Variants in UGT1A8 observed in about 807,000 individuals in gnomAD.
UGT1A8 encodes the protein UDP-glucuronosyltransferase 1A8.
A neutral mutation model predicts 45.3 loss-of-function variants in UGT1A8; 39 were observed. That is an observed-to-expected ratio of 0.86 (90% CI 0.67 to 1.12). The LOEUF (loss-of-function observed/expected upper bound fraction) is 1.12, where lower values mean the gene tolerates loss of function less well. Among genes scored for constraint, UGT1A8 ranks in the 50% most tolerant of loss-of-function variants. The pLI, the probability that UGT1A8 is intolerant of heterozygous loss-of-function variation, is 0.00. For missense variants in UGT1A8, 719 were observed against 664.9 expected, an observed-to-expected ratio of 1.08 and a Z score of -0.90; for synonymous variants, 275 against 249.2, an observed-to-expected ratio of 1.10 and a Z score of -0.97.
At chr2:233,747,810 A>G (rs1693783178) in intron 1 of UGT1A8, 1 of 1,613,368 alleles carries the variant, frequency 6.2e-7, no homozygotes, top group South Asian at 1.1e-5. Flanking sequence ...GTTACTAACG[A>G]CCAATTCAGA....
chr2:233,729,808 T>A, intron 1 of UGT1A8: 1 of 1,613,986 alleles, frequency 6.2e-7, no homozygotes, highest in Non-Finnish European at 8.5e-7. Context: ...CCATGCTTTT[T>A]CTGCTCCTTA....
At position 233,701,657 on chromosome 2, in the gene UGT1A8, G is replaced by A. The variant is rs1037742895; in HGVS notation, c.856-65377G>A. On this transcript the variant is annotated intron_variant, in intron 1 of 4. Coordinates refer to ENST00000373450, the MANE Select transcript of UGT1A8 (RefSeq NM_019076.5). ...ATAGCAAACTGTCTCTCAGACCACA[G>A]TGCAATCAAACTAGAACTCAGAATT... Among the ~76,000 whole-genome samples, 7 of 152,304 alleles carry A rather than the reference G, an allele frequency of 4.6e-5. No individual in the cohort carries two copies. The East Asian group carries it at 9.6e-4, about 21-fold the overall frequency.
At chr2:233,695,446 G>T (rs1452804624) in intron 1 of UGT1A8, among the ~76,000 whole-genome samples, 1 of 150,492 alleles carries the variant, frequency 6.6e-6, no homozygotes, top group Non-Finnish European at 1.5e-5. Context: ...TTTTTTTTTT[G>T]ATCAACGTGC....
chr2:233,625,667 TC>T (rs1368091789), intron 1 of UGT1A8, among the ~76,000 whole-genome samples: 1 of 151,664 alleles, frequency 6.6e-6, no homozygotes, highest in Non-Finnish European at 1.5e-5. Context: ...GAGGTCATTA[TC>T]CTAAGGGAAT....
At chr2:233,763,222 T>C (rs1031728424) in intron 1 of UGT1A8, among the ~76,000 whole-genome samples, 2 of 152,230 alleles carry the variant, frequency 1.3e-5, no homozygotes, top group African/African-American at 4.8e-5. Context: ...GGTGTGAAAA[T>C]ATGTTTTTAA....
chr2:233,644,865 G>C (rs2073557352), intron 1 of UGT1A8, among the ~76,000 whole-genome samples: 1 of 152,108 alleles, frequency 6.6e-6, no homozygotes, highest in African/African-American at 2.4e-5. Flanking sequence ...TTATGAAGGT[G>C]GTTTTTCCTG....
chr2:233,638,464 G>T (rs975684585), intron 1 of UGT1A8, among the ~76,000 whole-genome samples: 3 of 152,112 alleles, frequency 2.0e-5, no homozygotes, highest in African/African-American at 7.2e-5. Context: ...TCCCTTGTCT[G>T]ATATTTGTAC....
intron 1 of UGT1A8, among the ~76,000 whole-genome samples, chr2:233,628,825 G>T (rs1408774030): frequency 2.6e-5 from 4 of 151,980 alleles, no homozygotes; most frequent in Non-Finnish European, 5.9e-5. Flanking sequence ...ATCACAAATC[G>T]ATTTTGGATT....
chr2:233,744,112 C>T (rs1010440918), intron 1 of UGT1A8: 4 of 367,842 alleles, frequency 1.1e-5, no homozygotes, highest in African/African-American at 6.4e-5. Context: ...TGGCCCTGCT[C>T]TCTGTGAGGC....
intron 1 of UGT1A8, among the ~76,000 whole-genome samples, chr2:233,712,596 T>C (rs897261003): frequency 1.3e-5 from 2 of 152,068 alleles, no homozygotes; most frequent in African/African-American, 2.4e-5. Context: ...GACCATATGG[T>C]TGGGGACTAG....
At chr2:233,747,784 C>A in intron 1 of UGT1A8, 1 of 1,613,530 alleles carries the variant, frequency 6.2e-7, no homozygotes, top group Non-Finnish European at 8.5e-7. Context: ...CCAAATCCTT[C>A]CTCCTATATT....
In UGT1A8 at chr2:233,769,856, TCA is replaced by T; in HGVS notation, c.1295+1418_1295+1419del. 4.3e-5 allele frequency: 14 copies of T among 322,422 alleles called. No individual in the cohort carries two copies. Among genetic ancestry groups the T allele is most frequent in the Admixed American group, 5.6e-5 (1 of 17,838 alleles). The allele number at this position is 322,422 out of a possible 1,614,324, so 20.0% of individuals were successfully genotyped here. A position where few individuals can be genotyped will look rare whatever the true frequency, so the allele number is the denominator to read the frequency against. ...CTGGGCAACAGAGTGAGACCCTGTC[TCA>T]AAAAAAAAAAAAAAAATGAAAAGTC... On this transcript the variant is annotated intron_variant, in intron 4 of 4. Transcript: ENST00000373450. The surrounding 1 kb of genome is among the most constrained non-coding windows in gnomAD (Gnocchi z 4.4).
intron 1 of UGT1A8, among the ~76,000 whole-genome samples, chr2:233,664,949 G>C (rs554769653): frequency 6.6e-6 from 1 of 152,128 alleles, no homozygotes; most frequent in South Asian, 2.1e-4. Flanking sequence ...TACTCTTTTT[G>C]GGAAAATACC....
chr2:233,675,679 G>A (rs967744533), intron 1 of UGT1A8, among the ~76,000 whole-genome samples: 5 of 152,032 alleles, frequency 3.3e-5, no homozygotes, highest in African/African-American at 9.7e-5. Context: ...TCAGTGTAAT[G>A]AGCACCCACT....
intron 1 of UGT1A8, chr2:233,760,289 T>A: frequency 2.5e-6 from 4 of 1,613,270 alleles, no homozygotes; most frequent in Non-Finnish European, 3.4e-6. Flanking sequence ...AAAGGCGCCA[T>A]GGCTGTGGAG....
At chr2:233,640,654 C>T (rs1371465725) in intron 1 of UGT1A8, among the ~76,000 whole-genome samples, 1 of 152,090 alleles carries the variant, frequency 6.6e-6, no homozygotes, top group Non-Finnish European at 1.5e-5. Flanking sequence ...CTTTTTTAGG[C>T]TGCAAATGCT....
chr2:233,747,676 A>G (rs1559392611), intron 1 of UGT1A8: 10 of 1,605,156 alleles, frequency 6.2e-6, no homozygotes, highest in Non-Finnish European at 8.5e-6. Flanking sequence ...GACCCAATTT[A>G]CCTCTGTGGG....
intron 1 of UGT1A8, among the ~76,000 whole-genome samples, chr2:233,674,268 G>GT (rs2125505422): frequency 6.6e-6 from 1 of 152,316 alleles, no homozygotes; most frequent in South Asian, 2.1e-4. Flanking sequence ...GAGGACTACA[G>GT]TTGTAGGCCT....
chr2:233,725,322 G>T (rs1180235241), intron 1 of UGT1A8, among the ~76,000 whole-genome samples: 1 of 103,758 alleles, frequency 9.6e-6, no homozygotes, highest in Admixed American at 1.0e-4. Context: ...AGAGGCGCCT[G>T]GTCAACAATC....
Sources: allele counts gnomAD v4.1 joint callset (sites outside exome capture counted in the v4.1 genomes callset), GRCh38; gene constraint gnomAD v4.1.1; non-coding constraint Gnocchi (gnomAD v3.1); transcripts MANE v1.5; gene names NCBI Gene and HGNC (gene_info 2026-07-23, HGNC 2026-07-21).